NPAS2: variants seen among roughly 807,000 people sequenced by gnomAD.
NPAS2 encodes neuronal PAS domain protein 2.
A neutral mutation model predicts 107.5 loss-of-function variants in NPAS2; 23 were observed. The observed-to-expected ratio is 0.21, with a 90% CI of 0.15 to 0.30. The LOEUF (loss-of-function observed/expected upper bound fraction) is 0.30. NPAS2 is among the 10% of genes least tolerant of loss of function. The pLI is 1.00. For missense variants in NPAS2, 756 were observed against 1,043.3 expected, an observed-to-expected ratio of 0.72 and a Z score of 3.79; for synonymous variants, 403 against 417.5, an observed-to-expected ratio of 0.97 and a Z score of 0.42.
intron 7 of NPAS2, among the ~76,000 whole-genome samples, chr2:100,950,598 A>G (rs1675163338): frequency 6.6e-6 from 1 of 152,206 alleles, no homozygotes; most frequent in African/African-American, 2.4e-5. Flanking sequence ...TTATTTGCAT[A>G]AATATACATG....
chr2:100,900,837 A>ATTTTCTTTTC (rs954330708), intron 1 of NPAS2, among the ~76,000 whole-genome samples: 1 of 151,492 alleles, frequency 6.6e-6, no homozygotes, highest in Non-Finnish European at 1.5e-5. Flanking sequence ...GCCGATGGTG[A>ATTTTCTTTTC]TTTTCTTTTC....
intron 1 of NPAS2, among the ~76,000 whole-genome samples, chr2:100,825,910 G>A (rs765338948): frequency 5.3e-5 from 8 of 152,166 alleles, no homozygotes; most frequent in Non-Finnish European, 7.3e-5. Flanking sequence ...AAGGGCAGGG[G>A]GCGGGGAGGT....
intron 12 of NPAS2, among the ~76,000 whole-genome samples, chr2:100,973,426 A>G (rs1305573345): frequency 1.3e-5 from 2 of 152,120 alleles, no homozygotes; most frequent in African/African-American, 2.4e-5. Flanking sequence ...GCTGACTAGG[A>G]ACACATAATT....
At chr2:100,890,756 G>A (rs1319184911) in intron 1 of NPAS2, among the ~76,000 whole-genome samples, 2 of 152,140 alleles carry the variant, frequency 1.3e-5, no homozygotes, top group African/African-American at 4.8e-5. Context: ...TCATAAGAGA[G>A]TCCCGGGTGT....
At chr2:100,972,629 T>C (rs543602877) in intron 12 of NPAS2, 1 of 152,358 alleles carries the variant, frequency 6.6e-6, no homozygotes, top group East Asian at 1.9e-4. Context: ...TCCATGGCAA[T>C]TCATCACCAG....
In NPAS2 at chr2:100,882,336, G is replaced by A. The variant is rs556004717; in HGVS notation, c.-22-22397G>A. On this transcript the variant is annotated intron_variant, in intron 1 of 20. Transcript: ENST00000335681. ...AAAACAAAAAAACAAACAGCCGGGC[G>A]CAGTGGCTCATGCCTGTAATCCCAG... Among the ~76,000 whole-genome samples, 24 of 152,284 alleles carry A rather than the reference G, an allele frequency of 1.6e-4. No homozygotes were observed. In the East Asian group the frequency reaches 2.3e-3, roughly 15 times the overall value.
intron 1 of NPAS2, among the ~76,000 whole-genome samples, chr2:100,874,151 A>AT (rs935407381): frequency 1.1e-4 from 16 of 151,766 alleles, no homozygotes; most frequent in Admixed American, 4.6e-4. Context: ...CACCTGGCTA[A>AT]TTTTTTTATC....
intron 7 of NPAS2, among the ~76,000 whole-genome samples, chr2:100,959,102 A>AC (rs1675762260): frequency 1.4e-5 from 2 of 143,402 alleles, no homozygotes; most frequent in African/African-American, 5.5e-5. Flanking sequence ...AAAAAAAAAA[A>AC]AAAAAAACAA....
chr2:100,931,267 G>T (rs961470968), intron 3 of NPAS2, among the ~76,000 whole-genome samples: 1 of 152,040 alleles, frequency 6.6e-6, no homozygotes, highest in Admixed American at 6.6e-5. Context: ...CTTCTCCTGG[G>T]TTTCTTCCAG....
At chr2:100,993,641 G>A (rs1224628252) in intron 20 of NPAS2, 114 bp downstream of exon 20, 1 of 787,162 alleles carries the variant, frequency 1.3e-6, no homozygotes, top group African/African-American at 1.8e-5. Context: ...TCTATCCCTA[G>A]TATAGAAGTA....
chr2:100,968,150 G>A lies in NPAS2; in HGVS notation c.908-131G>A. 1.1e-6 allele frequency: 1 copy of A among 912,280 alleles called. No homozygotes were observed. The highest frequency in any genetic ancestry group is 1.7e-6 in the Non-Finnish European group (1 of 593,716). 56.5% of individuals were successfully genotyped at this position (912,280 alleles called of 1,614,324 possible). A position where few individuals can be genotyped will look rare whatever the true frequency, so the allele number is the denominator to read the frequency against. ...ATCCTGACAGTCACTTAAAATACAG[G>A]GCAACCGGGGAAACAAGCCATGTTT... On this transcript the variant is annotated intron_variant, in intron 10 of 20. Coordinates refer to ENST00000335681, the MANE Select transcript of NPAS2 (RefSeq NM_002518.4). The surrounding 1 kb of genome is among the most constrained non-coding windows in gnomAD (Gnocchi z 5.3).
At chr2:100,977,335 G>A (rs374096994) in intron 14 of NPAS2, among the ~76,000 whole-genome samples, 2 of 152,298 alleles carry the variant, frequency 1.3e-5, no homozygotes, top group East Asian at 1.9e-4. Context: ...CACGCACGTC[G>A]TCCTGCTTGA....
chr2:100,845,711 A>T (rs564261257), intron 1 of NPAS2, among the ~76,000 whole-genome samples: 2 of 152,168 alleles, frequency 1.3e-5, no homozygotes, highest in Non-Finnish European at 2.9e-5. Context: ...TGGGATTCAC[A>T]TCAGAGAACT....
At chr2:100,859,006 T>TA (rs1431971972) in intron 1 of NPAS2, among the ~76,000 whole-genome samples, 5 of 152,246 alleles carry the variant, frequency 3.3e-5, no homozygotes, top group African/African-American at 1.2e-4. Context: ...GGCTCACGCC[T>TA]GTAATCCCAG....
intron 7 of NPAS2, among the ~76,000 whole-genome samples, chr2:100,952,586 C>CA (rs1445123126): frequency 7.2e-5 from 11 of 151,796 alleles, no homozygotes; most frequent in African/African-American, 1.5e-4. Context: ...AAAAAAACAA[C>CA]AACAAAAAAC....
chr2:100,902,341 A>G (rs1558856407), intron 1 of NPAS2, among the ~76,000 whole-genome samples: 1 of 152,208 alleles, frequency 6.6e-6, no homozygotes, highest in Non-Finnish European at 1.5e-5. Context: ...GGACAGATGA[A>G]TGGGCAAGCA....
At chr2:100,904,616 A>T (rs886081401) in intron 1 of NPAS2, 117 bp from the exon 2 acceptor site, 4 of 717,812 alleles carry the variant, frequency 5.6e-6, no homozygotes, top group Middle Eastern at 2.4e-4. Flanking sequence ...AGGACCAACA[A>T]GTTTGAGAAC....
In NPAS2 at chr2:100,842,081, G is replaced by GCGCGCGCACACACACACACACACACACA; in HGVS notation, c.-23+21668_-23+21669insGCGCGCACACACACACACACACACACAC. Among the ~76,000 whole-genome samples the GCGCGCGCACACACACACACACACACACA allele has an allele frequency of 4.6e-4, 69 of 148,900 alleles. 1 individual carries two copies. Among genetic ancestry groups the GCGCGCGCACACACACACACACACACACA allele is most frequent in the Non-Finnish European group, 7.5e-4 (50 of 66,826 alleles). ...TTCATGCATGAGTGTGCATGTACGC[G>GCGCGCGCACACACACACACACACACACA]CACACACACACACACACACACACAC... On this transcript the variant is annotated intron_variant, in intron 1 of 20. Coordinates refer to ENST00000335681, the MANE Select transcript of NPAS2 (RefSeq NM_002518.4).
chr2:100,973,447 C>T (rs370820585), intron 12 of NPAS2, among the ~76,000 whole-genome samples: 101 of 152,286 alleles, frequency 6.6e-4, no homozygotes, highest in Middle Eastern at 3.4e-3. Flanking sequence ...CACAAACAGC[C>T]GTGGTCCAGG....
Sources: gnomAD v4.1 joint callset for allele counts (sites outside exome capture counted in the v4.1 genomes callset) on GRCh38, gnomAD v4.1.1 for gene constraint, Gnocchi (gnomAD v3.1) non-coding constraint, MANE v1.5 for transcripts, NCBI Gene and HGNC (gene_info 2026-07-23, HGNC 2026-07-21) for gene names.